PTPRD: variants seen among roughly 807,000 people sequenced by gnomAD.
The protein encoded by PTPRD is receptor-type tyrosine-protein phosphatase delta.
A neutral mutation model predicts 214.5 loss-of-function variants in PTPRD; 34 were observed. That is an observed-to-expected ratio of 0.16 (90% CI 0.12 to 0.21). PTPRD has a LOEUF of 0.21. Among genes scored for constraint, PTPRD ranks in the 10% least tolerant of loss-of-function variants. The pLI, the probability that PTPRD is intolerant of heterozygous loss-of-function variation, is 1.00. For missense variants in PTPRD, 2,545 were observed against 2,398.7 expected (o/e 1.06, Z -1.27); for synonymous variants, 1,128 against 845.7 (o/e 1.33, Z -5.79).
intron 9 of PTPRD, among the ~76,000 whole-genome samples, chr9:9,199,866 C>T (rs1005597128): frequency 6.6e-6 from 1 of 152,114 alleles, no homozygotes; most frequent in Admixed American, 6.6e-5. Context: ...GCTGTGATTA[C>T]TGGACTTGGC....
rs2096605445 is a variant in PTPRD, at chr9:10,324,278, A to AG, written c.-545+16684_-545+16685insC. Reference sequence around the variant, plus strand: ...ATAGCCCACCCCTTCTCTTAGACCAACCTTTAAACAAATAGTATCAATGCA... The same window carrying AG: ...ATAGCCCACCCCTTCTCTTAGACCAAGCCTTTAAACAAATAGTATCAATGCA... On this transcript the variant is annotated intron_variant, in intron 3 of 45. Coordinates refer to ENST00000381196, the MANE Select transcript of PTPRD (RefSeq NM_002839.4). 3.3e-5 allele frequency among the ~76,000 whole-genome samples: 5 copies of AG among 152,152 alleles called. No individual in the cohort carries two copies. In the East Asian group the frequency reaches 9.7e-4, roughly 30 times the overall value.
chr9:10,442,106 G>A (rs145027753), intron 2 of PTPRD, among the ~76,000 whole-genome samples: 54 of 151,712 alleles, frequency 3.6e-4, no homozygotes, highest in African/African-American at 1.3e-3. Flanking sequence ...TAGTTCTTGA[G>A]CTTAGTCAAA....
At chr9:10,244,322 GATTTA>G (rs2091696717) in intron 3 of PTPRD, among the ~76,000 whole-genome samples, 1 of 152,054 alleles carries the variant, frequency 6.6e-6, no homozygotes, top group Non-Finnish European at 1.5e-5. Context: ...CAGAGATATT[GATTTA>G]TGCAGTCTGC....
Position 9,145,496 on chromosome 9 carries a change from T to C in PTPRD, c.-143+37808A>G, listed in dbSNP as rs75282704. Among the ~76,000 whole-genome samples, 593 of 152,292 alleles carry C rather than the reference T, an allele frequency of 3.9e-3. 2 individuals are homozygous for C. Among genetic ancestry groups the C allele is most frequent in the Middle Eastern group, 0.017 (5 of 294 alleles). Reference sequence around the variant, plus strand: ...AGTCAAGAATACCTGGTCATCACAATGCTTTAATTTCTAAGTTAAATATAA... The same window carrying C: ...AGTCAAGAATACCTGGTCATCACAACGCTTTAATTTCTAAGTTAAATATAA... On this transcript the variant is annotated intron_variant, in intron 10 of 45. Transcript: ENST00000381196.
intron 3 of PTPRD, among the ~76,000 whole-genome samples, chr9:10,118,215 TC>T (rs1360323863): frequency 6.6e-6 from 1 of 151,518 alleles, no homozygotes; most frequent in African/African-American, 2.4e-5. Flanking sequence ...TATCTATCTA[TC>T]TATCTATCTA....
intron 11 of PTPRD, among the ~76,000 whole-genome samples, chr9:8,748,490 A>C (rs977558704): frequency 1.5e-5 from 2 of 135,604 alleles, no homozygotes; most frequent in Non-Finnish European, 3.1e-5. Context: ...CTCTGTTTTC[A>C]TTCTATTTCA....
At chr9:10,466,001 T>G (rs772743559) in intron 2 of PTPRD, among the ~76,000 whole-genome samples, 3 of 152,200 alleles carry the variant, frequency 2.0e-5, no homozygotes, top group Non-Finnish European at 4.4e-5. Flanking sequence ...GATTACCGAT[T>G]GAAAAACTTA....
chr9:10,289,721 T>A (rs1474095309), intron 3 of PTPRD, among the ~76,000 whole-genome samples: 1 of 152,180 alleles, frequency 6.6e-6, no homozygotes, highest in African/African-American at 2.4e-5. Context: ...TGCCATATAA[T>A]TTGGCACTAA....
intron 7 of PTPRD, among the ~76,000 whole-genome samples, chr9:9,579,875 T>C (rs1229629669): frequency 6.6e-6 from 1 of 152,146 alleles, no homozygotes; most frequent in Non-Finnish European, 1.5e-5. Flanking sequence ...CCTCTGAGTT[T>C]CCATTGTCAA....
At chr9:9,438,006 G>A (rs1340803736) in intron 8 of PTPRD, among the ~76,000 whole-genome samples, 1 of 152,166 alleles carries the variant, frequency 6.6e-6, no homozygotes, top group Admixed American at 6.6e-5. Context: ...GAGAGGGTCT[G>A]TTCTAGGCCT....
intron 35 of PTPRD, among the ~76,000 whole-genome samples, chr9:8,407,145 A>T (rs2093064389): frequency 6.6e-6 from 1 of 152,196 alleles, no homozygotes; most frequent in Admixed American, 6.5e-5. Flanking sequence ...CAGAAACATG[A>T]GTTGTGTGCC....
chr9:9,748,615 C>T (rs755549761), intron 6 of PTPRD, among the ~76,000 whole-genome samples: 2 of 152,164 alleles, frequency 1.3e-5, no homozygotes, highest in Admixed American at 1.3e-4. Context: ...GAACTACAAC[C>T]AATTTCAATG....
chr9:10,106,095 T>C (rs189317582), intron 3 of PTPRD, among the ~76,000 whole-genome samples: 3 of 151,086 alleles, frequency 2.0e-5, no homozygotes, highest in Non-Finnish European at 4.4e-5. Context: ...TAATATACCA[T>C]GGCACTAAAA....
At chr9:9,828,170 T>C (rs140105652) in intron 5 of PTPRD, among the ~76,000 whole-genome samples, 26,918 of 151,926 alleles carry the variant, frequency 0.18, 2,794 homozygotes, top group African/African-American at 0.28. Context: ...ACCCAAAGGA[T>C]TATAAATCAT....
intron 12 of PTPRD, among the ~76,000 whole-genome samples, chr9:8,656,608 C>A (rs1463838147): frequency 2.0e-5 from 3 of 152,184 alleles, no homozygotes; most frequent in African/African-American, 7.2e-5. Flanking sequence ...CATTTGAAGG[C>A]CACTCTTATT....
At chr9:9,188,278 C>T (rs1022785751) in intron 9 of PTPRD, among the ~76,000 whole-genome samples, 1 of 152,004 alleles carries the variant, frequency 6.6e-6, no homozygotes, top group Admixed American at 6.6e-5. Flanking sequence ...TATTCTATTG[C>T]TGATGGACAT....
intron 14 of PTPRD, among the ~76,000 whole-genome samples, chr9:8,592,454 AC>A (rs1305047039): frequency 6.6e-6 from 1 of 152,188 alleles, no homozygotes; most frequent in African/African-American, 2.4e-5. Context: ...ACATACAAGG[AC>A]TTGAATAGCT....
At chr9:8,728,137 C>G (rs1041463694) in intron 12 of PTPRD, among the ~76,000 whole-genome samples, 1 of 152,096 alleles carries the variant, frequency 6.6e-6, no homozygotes, top group South Asian at 2.1e-4. Context: ...GTAATCCCAG[C>G]TACTAGAGAG....
At chr9:10,055,926 C>T (rs948209216) in intron 3 of PTPRD, among the ~76,000 whole-genome samples, 5 of 151,324 alleles carry the variant, frequency 3.3e-5, no homozygotes, top group African/African-American at 1.2e-4. Context: ...ACTGCAACAT[C>T]TGATTAATGT....
Sources: gnomAD v4.1 joint callset for allele counts (sites outside exome capture counted in the v4.1 genomes callset) on GRCh38, gnomAD v4.1.1 for gene constraint, MANE v1.5 for transcripts, NCBI Gene and HGNC (gene_info 2026-07-23, HGNC 2026-07-21) for gene names.